CENPP: variants seen among roughly 807,000 people sequenced by gnomAD.
CENPP encodes the protein centromere protein P.
Under a neutral mutation model 35.6 loss-of-function variants are expected in CENPP, and 24 were observed. That is an observed-to-expected ratio of 0.67 (90% CI 0.49 to 0.95). The LOEUF (loss-of-function observed/expected upper bound fraction) is 0.95, where lower values mean the gene tolerates loss of function less well. Among genes scored for constraint, CENPP ranks in the 40% least tolerant of loss-of-function variants. The pLI, the probability that CENPP is intolerant of heterozygous loss-of-function variation, is 0.00. For synonymous variants in CENPP, 120 were observed against 125.5 expected (o/e 0.96, Z 0.29); for missense variants, 332 against 345.3 (o/e 0.96, Z 0.31).
chr9:92,509,899 C>T, intron 5 of CENPP: 1 of 1,601,982 alleles, frequency 6.2e-7, no homozygotes, highest in Non-Finnish European at 8.5e-7. Flanking sequence ...TATTAAATAC[C>T]TGATAAACTT....
chr9:92,600,478 C>G (rs750516981), intron 5 of CENPP: 2 of 1,612,856 alleles, frequency 1.2e-6, no homozygotes, highest in South Asian at 2.2e-5. Context: ...AGGCTCCCAG[C>G]TGGTCTGTTC....
intron 4 of CENPP, among the ~76,000 whole-genome samples, chr9:92,346,036 C>G (rs1285280960): frequency 1.3e-5 from 2 of 152,170 alleles, no homozygotes; most frequent in African/African-American, 2.4e-5. Flanking sequence ...ACACAATCCT[C>G]AGTCCTCATG....
intron 5 of CENPP, among the ~76,000 whole-genome samples, chr9:92,430,933 C>T (rs1465278977): frequency 3.3e-5 from 5 of 151,838 alleles, no homozygotes; most frequent in Non-Finnish European, 5.9e-5. Flanking sequence ...GTAGCTGGGA[C>T]TACAGGTGCA....
At chr9:92,516,299 G>A (rs1223746264) in intron 5 of CENPP, among the ~76,000 whole-genome samples, 1 of 152,118 alleles carries the variant, frequency 6.6e-6, no homozygotes, top group East Asian at 1.9e-4. Flanking sequence ...ACCTGACCTT[G>A]TGATCCTCCC....
intron 5 of CENPP, among the ~76,000 whole-genome samples, chr9:92,610,007 G>A (rs1271360456): frequency 6.6e-6 from 1 of 152,046 alleles, no homozygotes; most frequent in Non-Finnish European, 1.5e-5. Flanking sequence ...AAAATGCTGA[G>A]ATTACAGGCG....
At chr9:92,502,770 T>A in intron 5 of CENPP, 3 of 837,962 alleles carry the variant, frequency 3.6e-6, no homozygotes, top group Non-Finnish European at 5.1e-6. Flanking sequence ...AGAGTCTTAC[T>A]GCTCTTTCAA....
chr9:92,498,131 T>G (rs1052138695), intron 5 of CENPP, among the ~76,000 whole-genome samples: 1 of 152,124 alleles, frequency 6.6e-6, no homozygotes, highest in East Asian at 1.9e-4. Flanking sequence ...AAGACATATA[T>G]AGAGAGAAAA....
chr9:92,454,269 AT>A (rs1844805968), intron 5 of CENPP, among the ~76,000 whole-genome samples: 2 of 152,216 alleles, frequency 1.3e-5, no homozygotes, highest in African/African-American at 4.8e-5. Flanking sequence ...CAGTGAATTA[AT>A]TGCAGGGATT....
intron 5 of CENPP, among the ~76,000 whole-genome samples, chr9:92,523,742 C>A (rs548850796): frequency 6.6e-6 from 1 of 152,164 alleles, no homozygotes; most frequent in African/African-American, 2.4e-5. Flanking sequence ...TAACTAGGAG[C>A]CTGTACGTCT....
At chr9:92,517,488 A>G in intron 5 of CENPP, 2 of 691,876 alleles carry the variant, frequency 2.9e-6, no homozygotes, top group Non-Finnish European at 4.8e-6. Context: ...AGCTAGAACT[A>G]TAAAGCCACA....
intron 5 of CENPP, chr9:92,512,183 CAT>C (rs1265350456): frequency 1.8e-6 from 2 of 1,124,626 alleles, no homozygotes; most frequent in Non-Finnish European, 2.7e-6. Context: ...CATGTACACA[CAT>C]GTATGGGCAT....
intron 5 of CENPP, among the ~76,000 whole-genome samples, chr9:92,473,191 T>G (rs1380054293): frequency 6.6e-6 from 1 of 152,168 alleles, no homozygotes; most frequent in Non-Finnish European, 1.5e-5. Flanking sequence ...TGGTGACAAG[T>G]GTGTTCTGGA....
At chr9:92,501,863 C>T (rs576863025) in intron 5 of CENPP, among the ~76,000 whole-genome samples, 7 of 152,340 alleles carry the variant, frequency 4.6e-5, no homozygotes, top group African/African-American at 1.7e-4. Context: ...CTGACTCCCT[C>T]CCCCTTCACT....
intron 5 of CENPP, chr9:92,536,042 T>C: frequency 2.0e-6 from 1 of 502,878 alleles, no homozygotes; most frequent in Middle Eastern, 3.2e-4. Flanking sequence ...GAAGGGAATG[T>C]TGAAAAGTAT....
At chr9:92,478,541 C>T (rs1179643211) in intron 5 of CENPP, among the ~76,000 whole-genome samples, 4 of 152,134 alleles carry the variant, frequency 2.6e-5, no homozygotes, top group Admixed American at 6.5e-5. Context: ...GCAACCTCCA[C>T]GTCCCAGGTT....
chr9:92,382,688 G>A (rs953634954), intron 5 of CENPP, among the ~76,000 whole-genome samples: 3 of 151,946 alleles, frequency 2.0e-5, no homozygotes, highest in Non-Finnish European at 2.9e-5. Context: ...TATTACATAA[G>A]GTAGGTGTCC....
In CENPP at chr9:92,514,348, C is replaced by T. The variant is rs1328167547; in HGVS notation, c.565-96966C>T. On this transcript the variant is annotated intron_variant, in intron 5 of 7. Coordinates refer to ENST00000375587, the MANE Select transcript of CENPP (RefSeq NM_001012267.3). ...AGAGAACAGTGGCTCAATCTCAGCT[C>T]ACTGCAACCTCCGCCTCCTGGATTC... Among the ~76,000 whole-genome samples the T allele has an allele frequency of 4.0e-5, 6 of 150,530 alleles. No homozygotes were observed. The East Asian group carries it at 1.2e-3, about 30-fold the overall frequency.
intron 5 of CENPP, among the ~76,000 whole-genome samples, chr9:92,486,858 T>G (rs1294363141): frequency 6.6e-6 from 1 of 151,682 alleles, no homozygotes; most frequent in East Asian, 1.9e-4. Context: ...CTCAGCTCAC[T>G]GCAACCTCCA....
chr9:92,385,525 G>T, intron 5 of CENPP: 1 of 1,031,498 alleles, frequency 9.7e-7, no homozygotes, highest in Non-Finnish European at 1.4e-6. Context: ...GAGATACAAG[G>T]TTAATATTAA....
Sources: allele counts gnomAD v4.1 joint callset (sites outside exome capture counted in the v4.1 genomes callset), GRCh38; gene constraint gnomAD v4.1.1; transcripts MANE v1.5; gene names NCBI Gene and HGNC (gene_info 2026-07-23, HGNC 2026-07-21).